Variants in PPP3CC observed in about 807,000 individuals in gnomAD.
PPP3CC encodes serine/threonine-protein phosphatase 2B catalytic subunit gamma isoform.
Under a neutral mutation model 60.3 loss-of-function variants are expected in PPP3CC, and 35 were observed. That is an observed-to-expected ratio of 0.58 (90% CI 0.44 to 0.77). PPP3CC has a LOEUF of 0.77. PPP3CC is among the 30% of genes least tolerant of loss of function. PPP3CC has a pLI of 0.00. For synonymous variants in PPP3CC, 206 were observed against 224.3 expected, an observed-to-expected ratio of 0.92 and a Z score of 0.73; for missense variants, 570 against 628.9, an observed-to-expected ratio of 0.91 and a Z score of 1.00.
chr8:22,465,383 G>C (rs182101218), intron 1 of PPP3CC, among the ~76,000 whole-genome samples: 1 of 152,200 alleles, frequency 6.6e-6, no homozygotes, highest in Non-Finnish European at 1.5e-5. Context: ...TTACCATTAT[G>C]CAGTATATCC....
chr8:22,489,740 AAG>A (rs1563731923), intron 3 of PPP3CC, among the ~76,000 whole-genome samples: 3 of 67,164 alleles, frequency 4.5e-5, no homozygotes, highest in Non-Finnish European at 6.9e-5. Flanking sequence ...TATATATAAT[AAG>A]TATATATTAT....
intron 1 of PPP3CC, among the ~76,000 whole-genome samples, chr8:22,458,836 G>A (rs1383206696): frequency 6.6e-6 from 1 of 152,044 alleles, no homozygotes; most frequent in Non-Finnish European, 1.5e-5. Flanking sequence ...GAAACCAGAG[G>A]AGTTGATGAT....
chr8:22,534,282 C>T (rs1196765415), intron 12 of PPP3CC, among the ~76,000 whole-genome samples: 2 of 148,702 alleles, frequency 1.3e-5, no homozygotes, highest in Non-Finnish European at 3.0e-5. Context: ...TGGGCCAGGG[C>T]ATGGTGACTT....
At chr8:22,457,492 T>C (rs1355912282) in intron 1 of PPP3CC, among the ~76,000 whole-genome samples, 1 of 151,876 alleles carries the variant, frequency 6.6e-6, no homozygotes, top group Admixed American at 6.6e-5. Context: ...TTAGTAGAGA[T>C]AGGGAGGGTT....
chr8:22,451,671 C>G (rs920349873), intron 1 of PPP3CC, among the ~76,000 whole-genome samples: 2 of 152,204 alleles, frequency 1.3e-5, no homozygotes, highest in African/African-American at 4.8e-5. Flanking sequence ...CCATGCACAG[C>G]ATGATGGTGA....
chr8:22,481,930 A>G (rs1407466489), intron 3 of PPP3CC, among the ~76,000 whole-genome samples: 2 of 152,090 alleles, frequency 1.3e-5, no homozygotes, highest in South Asian at 2.1e-4. Context: ...TATCCAGTCT[A>G]TCACTGATGG....
At chr8:22,515,603 C>T (rs1325602620) in intron 6 of PPP3CC, among the ~76,000 whole-genome samples, 1 of 152,132 alleles carries the variant, frequency 6.6e-6, no homozygotes, top group African/African-American at 2.4e-5. Flanking sequence ...ATGAGGGTTC[C>T]CTTTTCTCGA....
intron 4 of PPP3CC, among the ~76,000 whole-genome samples, chr8:22,509,113 G>C (rs1839008836): frequency 6.6e-6 from 1 of 152,140 alleles, no homozygotes; most frequent in African/African-American, 2.4e-5. Context: ...GGGATGGAAG[G>C]CCTTACAACC....
chr8:22,536,800 T>C (rs1022104650), intron 12 of PPP3CC, among the ~76,000 whole-genome samples: 1 of 152,224 alleles, frequency 6.6e-6, no homozygotes, highest in Non-Finnish European at 1.5e-5. Flanking sequence ...TAACTTAACT[T>C]GGAGAGCTTT....
chr8:22,492,410 A>G (rs939075005), intron 3 of PPP3CC, among the ~76,000 whole-genome samples: 8 of 152,206 alleles, frequency 5.3e-5, no homozygotes, highest in African/African-American at 1.7e-4. Flanking sequence ...CACTTGTGCT[A>G]TACTAAATTT....
intron 6 of PPP3CC, among the ~76,000 whole-genome samples, chr8:22,516,305 A>C (rs1239421967): frequency 1.3e-5 from 2 of 152,060 alleles, no homozygotes; most frequent in African/African-American, 4.8e-5. Context: ...TTTAACTTTT[A>C]TTTCTTTTTA....
intron 12 of PPP3CC, among the ~76,000 whole-genome samples, chr8:22,537,228 A>G (rs1839863208): frequency 6.6e-6 from 1 of 152,246 alleles, no homozygotes; most frequent in African/African-American, 2.4e-5. Flanking sequence ...CTGAATAAGA[A>G]GACAACCCAG....
intron 4 of PPP3CC, among the ~76,000 whole-genome samples, chr8:22,505,024 ATTTTTTTTT>A (rs34116717): frequency 7.1e-4 from 82 of 115,964 alleles, no homozygotes; most frequent in Non-Finnish European, 8.7e-4. Context: ...CCACGAACCT[ATTTTTTTTT>A]TTTTTTTTTT....
At chr8:22,525,958 C>T (rs960928871) in intron 8 of PPP3CC, among the ~76,000 whole-genome samples, 2 of 151,630 alleles carry the variant, frequency 1.3e-5, no homozygotes, top group Non-Finnish European at 2.9e-5. Context: ...ACCTCTGCCT[C>T]CCGGGTTCAA....
At chr8:22,489,679 T>A in intron 3 of PPP3CC, among the ~76,000 whole-genome samples, 1 of 83,232 alleles carries the variant, frequency 1.2e-5, no homozygotes, top group African/African-American at 3.6e-5. Flanking sequence ...TAAGTATATA[T>A]TATATATAAG....
At chr8:22,538,784 T>G (rs1839898721) in intron 12 of PPP3CC, among the ~76,000 whole-genome samples, 1 of 152,260 alleles carries the variant, frequency 6.6e-6, no homozygotes, top group Non-Finnish European at 1.5e-5. Flanking sequence ...TCTTGAACAC[T>G]GTATGGAAGC....
intron 1 of PPP3CC, among the ~76,000 whole-genome samples, chr8:22,474,618 C>T (rs538502962): frequency 2.6e-5 from 4 of 152,180 alleles, no homozygotes; most frequent in African/African-American, 7.2e-5. Context: ...ACAGAAGAAT[C>T]GCTTGAACTC....
intron 3 of PPP3CC, among the ~76,000 whole-genome samples, chr8:22,495,358 G>A (rs544386591): frequency 3.3e-5 from 5 of 152,128 alleles, no homozygotes; most frequent in South Asian, 4.1e-4. Flanking sequence ...ATAGCTTAGC[G>A]TCTCTCCTGT....
In PPP3CC at chr8:22,522,689, T is replaced by C; in HGVS notation, c.883T>C (p.Phe295Leu). 1 of 1,607,538 alleles carries C rather than the reference T, an allele frequency of 6.2e-7. No individual in the cohort carries two copies. Among genetic ancestry groups the C allele is most frequent in the South Asian group, 1.1e-5 (1 of 90,848 alleles). ...GTACAGGAAGAGCCAAGCCACAGGC[T>C]TTCCATCACTTATTACAATTTTCTC... ...RMYRKSQATGFPSLITIFSAP... is the reference protein window; with the variant it reads ...RMYRKSQATGLPSLITIFSAP... Residue 295 changes from phenylalanine to leucine, a missense_variant, in exon 8 of 14, where the codon TTT becomes CTT. Transcript: ENST00000240139.
Sources: allele counts gnomAD v4.1 joint callset (sites outside exome capture counted in the v4.1 genomes callset), GRCh38; gene constraint gnomAD v4.1.1; transcripts MANE v1.5; gene names NCBI Gene and HGNC (gene_info 2026-07-23, HGNC 2026-07-21).